Variants in NBL1 observed in about 807,000 individuals in gnomAD.
The protein encoded by NBL1 is NBL1, DAN family BMP antagonist.
Under a neutral mutation model 16.0 loss-of-function variants are expected in NBL1, and 9 were observed. That is an observed-to-expected ratio of 0.56 (90% CI 0.34 to 0.98). NBL1 has a LOEUF of 0.98. NBL1 is among the 50% of genes least tolerant of loss of function. The probability of loss-of-function intolerance (pLI) is 0.02; values close to 1 mark genes in which losing one functional copy is unlikely to be tolerated. For missense variants in NBL1, 196 were observed against 243.1 expected (o/e 0.81, Z 1.29); for synonymous variants, 86 against 100.7 (o/e 0.85, Z 0.87).
chr1:19,643,820 G>A, upstream of NBL1: 1 of 994,188 alleles, frequency 1.0e-6, no homozygotes, highest in Non-Finnish European at 1.2e-6. This position sits in a 1 kb window ranked among gnomAD's most constrained non-coding sequence, Gnocchi z 4.7. Context: ...GCAGAACTGG[G>A]GACTCCTGGT....
In NBL1 at chr1:19,644,420, G is replaced by A. The variant is rs2094965204; in HGVS notation, c.-46G>A. On this transcript the variant is annotated 5_prime_UTR_variant, in exon 1 of 4. Transcript: ENST00000375136. The surrounding 1 kb of genome is among the most constrained non-coding windows in gnomAD (Gnocchi z 4.6). ...CCCGGGCCCGCGACCCCCGCACCCA[G>A]CTCCGCAGGACCGGCGGGCGCGCGC... The A allele has an allele frequency of 1.0e-6, 1 of 979,082 alleles. No homozygotes were observed. Among genetic ancestry groups the A allele is most frequent in the Admixed American group, 6.4e-5 (1 of 15,710 alleles). 60.6% of individuals were successfully genotyped at this position (979,082 alleles called of 1,614,324 possible).
At chr1:19,654,883 G>T in intron 1 of NBL1, 129 bp from the exon 2 acceptor site, 1 of 1,221,246 alleles carries the variant, frequency 8.2e-7, no homozygotes, top group East Asian at 2.6e-5. Flanking sequence ...GTCCAAAGTT[G>T]CACTTGGTTA....
rs1401556950 is a variant in NBL1, at chr1:19,655,128, C to T, written c.98C>T (p.Ala33Val). Residue 33 changes from alanine to valine, a missense_variant, in exon 2 of 4, where the codon GCC becomes GTC. Coordinates refer to ENST00000375136, the MANE Select transcript of NBL1 (RefSeq NM_005380.8). ...CTGGCACTGTTCCCAGATAAGAGTG[C>T]CTGGTGCGAAGCCAAGAACATCACC... ...NKLALFPDKS[A>V]WCEAKNITQI... 6.2e-7 allele frequency: 1 copy of T among 1,612,084 alleles called. No individual in the cohort carries two copies. Among genetic ancestry groups the T allele is most frequent in the South Asian group, 1.1e-5 (1 of 90,768 alleles).
At chr1:19,649,555 C>T (rs1218096768) in intron 1 of NBL1, among the ~76,000 whole-genome samples, 2 of 151,924 alleles carry the variant, frequency 1.3e-5, no homozygotes, top group South Asian at 2.1e-4. Context: ...GACGGGGTTT[C>T]GCCATGTTGG....
Sources: allele counts gnomAD v4.1 joint callset (sites outside exome capture counted in the v4.1 genomes callset), GRCh38; gene constraint gnomAD v4.1.1; non-coding constraint Gnocchi (gnomAD v3.1); transcripts MANE v1.5; gene names NCBI Gene and HGNC (gene_info 2026-07-23, HGNC 2026-07-21).